Variants in ZFPM2 observed in about 807,000 individuals in gnomAD.
ZFPM2 encodes the protein zinc finger protein, FOG family member 2.
Under a neutral mutation model 98.6 loss-of-function variants are expected in ZFPM2, and 20 were observed. The ratio of observed to expected loss-of-function variants is 0.20; its 90% confidence interval spans 0.14 to 0.29. The LOEUF (loss-of-function observed/expected upper bound fraction) is 0.29. ZFPM2 is among the 10% of genes least tolerant of loss of function. The probability of loss-of-function intolerance (pLI) is 1.00; values close to 1 mark genes in which losing one functional copy is unlikely to be tolerated. For synonymous variants in ZFPM2, 518 were observed against 502.7 expected, an observed-to-expected ratio of 1.03 and a Z score of -0.41; for missense variants, 1,310 against 1,388.6, an observed-to-expected ratio of 0.94 and a Z score of 0.90.
chr8:105,363,089 T>C (rs1810438960), intron 1 of ZFPM2, among the ~76,000 whole-genome samples: 1 of 152,160 alleles, frequency 6.6e-6, no homozygotes, highest in Non-Finnish European at 1.5e-5. Flanking sequence ...CACTCACCTT[T>C]ACATGGGTCA....
chr8:105,756,826 C>T (rs974184905), intron 5 of ZFPM2, among the ~76,000 whole-genome samples: 6 of 152,074 alleles, frequency 3.9e-5, no homozygotes, highest in Non-Finnish European at 1.5e-5. Context: ...TTCTGTTGTG[C>T]TCTGTTTGAT....
chr8:105,672,977 AAC>A (rs1288159907), intron 5 of ZFPM2, among the ~76,000 whole-genome samples: 2 of 152,120 alleles, frequency 1.3e-5, no homozygotes, highest in Non-Finnish European at 2.9e-5. Flanking sequence ...TAAGGAAATT[AAC>A]ACAGGGGGAA....
intron 4 of ZFPM2, among the ~76,000 whole-genome samples, chr8:105,632,615 A>G (rs1449375981): frequency 6.6e-6 from 1 of 152,202 alleles, no homozygotes; most frequent in East Asian, 1.9e-4. Flanking sequence ...TTCTATTTTG[A>G]AAATTGAAAT....
rs768070601 is a variant in ZFPM2 at position 105,521,983 on chromosome 8, G to A, written c.302-39380G>A. ...AATTAGGTCACTAGGTTATATAATA[G>A]TGTAAAAAAAGACAAATGAAAGAGT... On this transcript the variant is annotated intron_variant, in intron 3 of 7. Transcript: ENST00000407775. Among the ~76,000 whole-genome samples, 5 of 152,192 alleles carry A rather than the reference G, an allele frequency of 3.3e-5. No homozygotes were observed. The South Asian group carries it at 8.3e-4, about 25-fold the overall frequency.
intron 5 of ZFPM2, among the ~76,000 whole-genome samples, chr8:105,709,442 A>G (rs758531829): frequency 2.6e-5 from 4 of 152,144 alleles, no homozygotes; most frequent in Non-Finnish European, 2.9e-5. Flanking sequence ...GGTTAATAGC[A>G]TGGAACTAAC....
intron 4 of ZFPM2, among the ~76,000 whole-genome samples, chr8:105,622,108 A>G (rs1816563714): frequency 6.6e-6 from 1 of 152,048 alleles, no homozygotes; most frequent in Non-Finnish European, 1.5e-5. Context: ...TTATCTAGAA[A>G]AAAAACAAAA....
At chr8:105,398,208 G>A (rs1271927888) in intron 1 of ZFPM2, among the ~76,000 whole-genome samples, 7 of 152,186 alleles carry the variant, frequency 4.6e-5, no homozygotes, top group African/African-American at 1.4e-4. Context: ...ATAATCTAAA[G>A]TGGATTAGAA....
Position 105,802,178 on chromosome 8 carries a change from A to G in ZFPM2, c.2096A>G (p.His699Arg), listed in dbSNP as rs368486644. The G allele has an allele frequency of 7.4e-6, 12 of 1,613,842 alleles. No homozygotes were observed. The African/African-American group carries it at 1.6e-4, about 22-fold the overall frequency. Residue 699 changes from histidine to arginine, a missense_variant, in exon 8 of 8, where the codon CAC (histidine) becomes CGC (arginine). His to Arg is a conservative substitution (Grantham distance 29). Coordinates refer to ENST00000407775, the MANE Select transcript of ZFPM2 (RefSeq NM_012082.4). ...CEACNITFSRHETYMVHKQYY... is the reference protein window; with the variant it reads ...CEACNITFSRRETYMVHKQYY... ...GCTTGCAACATTACCTTCAGCCGGCACGAAACATACATGGTCCACAAACAG... is the reference window on the plus strand; with the variant it reads ...GCTTGCAACATTACCTTCAGCCGGCGCGAAACATACATGGTCCACAAACAG...
At chr8:105,363,978 GT>G (rs974595038) in intron 1 of ZFPM2, among the ~76,000 whole-genome samples, 2 of 151,644 alleles carry the variant, frequency 1.3e-5, no homozygotes, top group African/African-American at 4.8e-5. Context: ...TGAGATATAG[GT>G]TTTTTTTCTA....
At chr8:105,427,722 T>C (rs2130124917) in intron 2 of ZFPM2, among the ~76,000 whole-genome samples, 1 of 152,328 alleles carries the variant, frequency 6.6e-6, no homozygotes, top group East Asian at 1.9e-4. Flanking sequence ...CAGCCACTTT[T>C]TGTTGTCCTT....
chr8:105,629,628 C>G (rs1041073010), intron 4 of ZFPM2, among the ~76,000 whole-genome samples: 6 of 152,098 alleles, frequency 3.9e-5, no homozygotes, highest in Non-Finnish European at 8.8e-5. Context: ...CTGATGCATT[C>G]CTTTCTGGAG....
chr8:105,711,010 A>G (rs1586212882), intron 5 of ZFPM2, among the ~76,000 whole-genome samples: 1 of 151,926 alleles, frequency 6.6e-6, no homozygotes, highest in African/African-American at 2.4e-5. Context: ...ATCTTGATGT[A>G]ATTTTTGATT....
chr8:105,652,894 A>AG (rs1235205484), intron 5 of ZFPM2, among the ~76,000 whole-genome samples: 1 of 152,318 alleles, frequency 6.6e-6, no homozygotes, highest in Admixed American at 6.5e-5. Flanking sequence ...TATGCAAATA[A>AG]GGCCTTAAGT....
At chr8:105,577,807 T>A (rs1815500753) in intron 4 of ZFPM2, among the ~76,000 whole-genome samples, 1 of 150,616 alleles carries the variant, frequency 6.6e-6, no homozygotes, top group African/African-American at 2.4e-5. Flanking sequence ...ATGAAAAAAA[T>A]GCATGCAGTG....
rs756255741 is a variant in ZFPM2, at chr8:105,537,387, A to G, written c.302-23976A>G. Among the ~76,000 whole-genome samples the G allele has an allele frequency of 5.9e-5, 9 of 152,258 alleles. No individual in the cohort carries two copies. In the East Asian group the frequency reaches 9.7e-4, roughly 16 times the overall value. On this transcript the variant is annotated intron_variant, in intron 3 of 7. Transcript: ENST00000407775. ...TAAGACAGCTTCATTGAAATCTTAT[A>G]TCTTTTGTCCAGGCATGGTGGCTTA...
At chr8:105,504,476 A>T (rs1454816572) in intron 3 of ZFPM2, among the ~76,000 whole-genome samples, 1 of 152,220 alleles carries the variant, frequency 6.6e-6, no homozygotes, top group Non-Finnish European at 1.5e-5. Flanking sequence ...AAGTGATGGC[A>T]TCAGAACTTC....
At chr8:105,751,504 A>G (rs1481677278) in intron 5 of ZFPM2, among the ~76,000 whole-genome samples, 1 of 152,100 alleles carries the variant, frequency 6.6e-6, no homozygotes, top group Admixed American at 6.6e-5. Context: ...ATGACTCACA[A>G]TCTGCTGCAG....
chr8:105,699,818 T>C (rs1320289593), intron 5 of ZFPM2, among the ~76,000 whole-genome samples: 1 of 152,154 alleles, frequency 6.6e-6, no homozygotes, highest in African/African-American at 2.4e-5. Flanking sequence ...AATAAAAATG[T>C]TGAACACTCA....
intron 3 of ZFPM2, among the ~76,000 whole-genome samples, chr8:105,531,137 AGGTT>A (rs1177245186): frequency 1.3e-5 from 2 of 152,146 alleles, no homozygotes; most frequent in Non-Finnish European, 2.9e-5. Flanking sequence ...GGCAGCAAGA[AGGTT>A]GGTGAAGGAT....
Sources: gnomAD v4.1 joint callset for allele counts (sites outside exome capture counted in the v4.1 genomes callset) on GRCh38, gnomAD v4.1.1 for gene constraint, MANE v1.5 for transcripts, NCBI Gene and HGNC (gene_info 2026-07-23, HGNC 2026-07-21) for gene names.